The following HPSE2 variants were observed in gnomAD, a reference collection of about 807,000 sequenced individuals.
The protein encoded by HPSE2 is heparanase 2 (inactive), also known as inactive heparanase-2.
HPSE2 carries 38 observed loss-of-function variants against 60.5 expected under a neutral mutation model. The observed-to-expected ratio is 0.63, with a 90% confidence interval of 0.48 to 0.82. HPSE2 has a LOEUF of 0.82. Ranked by LOEUF, HPSE2 falls within the 40% of genes least tolerant of loss-of-function variation. The probability of loss-of-function intolerance (pLI) is 0.00; values close to 1 mark genes in which losing one functional copy is unlikely to be tolerated. For missense variants in HPSE2, 713 were observed against 740.4 expected, an observed-to-expected ratio of 0.96 and a Z score of 0.43; for synonymous variants, 295 against 293.2, an observed-to-expected ratio of 1.01 and a Z score of -0.06.
chr10:98,539,473 A>G (rs1272829366), intron 9 of HPSE2, among the ~76,000 whole-genome samples: 2 of 152,164 alleles, frequency 1.3e-5, no homozygotes. Flanking sequence ...GTGAGCCCAG[A>G]TCACGCCATT....
intron 2 of HPSE2, among the ~76,000 whole-genome samples, chr10:99,162,479 G>A (rs2133773758): frequency 6.6e-6 from 1 of 152,248 alleles, no homozygotes; most frequent in African/African-American, 2.4e-5. Flanking sequence ...CAGGGACAGG[G>A]CTAAAACTAG....
At chr10:98,609,845 T>C (rs796490482) in intron 9 of HPSE2, among the ~76,000 whole-genome samples, 3 of 140,096 alleles carry the variant, frequency 2.1e-5, no homozygotes, top group South Asian at 2.2e-4. Flanking sequence ...TCTTCTTTTT[T>C]TTTTTTTTTT....
chr10:98,585,730 T>C (rs940149526), intron 9 of HPSE2, among the ~76,000 whole-genome samples: 1 of 151,538 alleles, frequency 6.6e-6, no homozygotes, highest in Non-Finnish European at 1.5e-5. Context: ...GGTGGGTGGA[T>C]CACCTGAAGT....
At chr10:99,061,573 T>C (rs1270119189) in intron 3 of HPSE2, among the ~76,000 whole-genome samples, 3 of 152,202 alleles carry the variant, frequency 2.0e-5, no homozygotes, top group Admixed American at 1.3e-4. Context: ...AAGTATGTAG[T>C]AGATGTCCTG....
chr10:98,974,951 T>C lies in HPSE2; in HGVS notation c.610+169287A>G, dbSNP rs140963295. Among the ~76,000 whole-genome samples, 71 of 152,350 alleles carry C rather than the reference T, an allele frequency of 4.7e-4. 1 individual carries two copies. In the East Asian group the frequency reaches 0.013, roughly 29 times the overall value. ...TGCTATTACTTTTATTATTTTGATC[T>C]TCAACATAGTAGTTTTGTTATTCTA... On this transcript the variant is annotated intron_variant, in intron 3 of 11. Transcript: ENST00000370552.
intron 4 of HPSE2, among the ~76,000 whole-genome samples, chr10:98,723,445 C>A (rs1043119563): frequency 6.6e-6 from 1 of 152,024 alleles, no homozygotes; most frequent in Admixed American, 6.6e-5. Flanking sequence ...CGTGTCTCTG[C>A]CAGGCTTTGG....
chr10:99,205,942 T>C (rs968381206), intron 2 of HPSE2, among the ~76,000 whole-genome samples: 1 of 152,204 alleles, frequency 6.6e-6, no homozygotes, highest in Non-Finnish European at 1.5e-5. Context: ...TTTTCCACCA[T>C]GTTTAGCACA....
chr10:98,989,256 A>T (rs558988128), intron 3 of HPSE2, among the ~76,000 whole-genome samples: 13 of 152,352 alleles, frequency 8.5e-5, no homozygotes, highest in African/African-American at 2.9e-4. Flanking sequence ...CAAATGTCCA[A>T]CAATGATAGA....
At chr10:99,297,940 A>G in the HPSE2 span, among the ~76,000 whole-genome samples, 2 of 152,100 alleles carry the variant, frequency 1.3e-5, no homozygotes, top group East Asian at 1.9e-4. Flanking sequence ...TTTCTGCCCT[A>G]AAGTTTGAAG....
At chr10:99,073,880 C>CTTT (rs1842876614) in intron 3 of HPSE2, among the ~76,000 whole-genome samples, 1 of 145,794 alleles carries the variant, frequency 6.9e-6, no homozygotes, top group Admixed American at 6.9e-5. Context: ...ACAAAAGTGA[C>CTTT]TTTTATATGT....
At chr10:98,860,389 C>T (rs1281479906) in intron 3 of HPSE2, among the ~76,000 whole-genome samples, 2 of 152,158 alleles carry the variant, frequency 1.3e-5, no homozygotes, top group Non-Finnish European at 2.9e-5. Flanking sequence ...GTCATACTTT[C>T]TACCTTTGCT....
intron 2 of HPSE2, among the ~76,000 whole-genome samples, chr10:99,177,362 T>A (rs1002504390): frequency 6.6e-6 from 1 of 152,080 alleles, no homozygotes; most frequent in Non-Finnish European, 1.5e-5. Context: ...CAGTGTGCTG[T>A]ATTCAGGAGA....
At chr10:99,076,842 G>A (rs1283294022) in intron 3 of HPSE2, among the ~76,000 whole-genome samples, 2 of 152,054 alleles carry the variant, frequency 1.3e-5, no homozygotes, top group Admixed American at 6.5e-5. Context: ...ACTGTTAGGT[G>A]TCCTTTTGTT....
chr10:98,908,452 G>A (rs1425758997), intron 3 of HPSE2, among the ~76,000 whole-genome samples: 1 of 152,120 alleles, frequency 6.6e-6, no homozygotes, highest in African/African-American at 2.4e-5. Context: ...GTGAGGCTGA[G>A]GCGGGTGGAT....
Position 98,694,452 on chromosome 10 carries a change from G to C in HPSE2, c.957-505C>G, listed in dbSNP as rs1589652626. On this transcript the variant is annotated intron_variant, in intron 5 of 11. Transcript: ENST00000370552. ...ACCATCAAATATGCCCCAGTGAGAG[G>C]CTGCCACATCTGTCTCAGTGTAGAA... 2.0e-5 allele frequency among the ~76,000 whole-genome samples: 3 copies of C among 152,296 alleles called. No individual in the cohort carries two copies. The East Asian group carries it at 5.8e-4, about 29-fold the overall frequency.
intron 2 of HPSE2, among the ~76,000 whole-genome samples, chr10:99,179,910 G>GAT (rs942898710): frequency 3.7e-4 from 56 of 152,160 alleles, no homozygotes; most frequent in African/African-American, 1.3e-3. Context: ...TATCAAAACA[G>GAT]ATATATATAC....
chr10:98,459,558 T>C lies in HPSE2; in HGVS notation c.*16A>G. 1 of 1,613,544 alleles carries C rather than the reference T, an allele frequency of 6.2e-7. No individual in the cohort carries two copies. Among genetic ancestry groups the C allele is most frequent in the Non-Finnish European group, 8.5e-7 (1 of 1,179,574 alleles). ...AGCCCAGCAGGCCCACTGGTAGCCG[T>C]GAGTGTGAGGATAGCTTATCGGTAG... is the stretch of plus-strand genomic sequence containing the variant. On this transcript the variant is annotated 3_prime_UTR_variant, in exon 12 of 12. Transcript: ENST00000370552.
Position 98,998,230 on chromosome 10 carries a change from G to A in HPSE2, c.610+146008C>T, listed in dbSNP as rs114065766. ...AGAGAAAGTTGTGATTTGGGTTAAG[G>A]GACTACAGTCAAATACATTATCATG... On this transcript the variant is annotated intron_variant, in intron 3 of 11. Transcript: ENST00000370552. Among the ~76,000 whole-genome samples the A allele has an allele frequency of 4.9e-3, 745 of 152,172 alleles. 7 individuals carry two copies. Among genetic ancestry groups the A allele is most frequent in the African/African-American group, 0.017 (715 of 41,510 alleles).
At chr10:98,825,862 G>A (rs1386200940) in intron 3 of HPSE2, among the ~76,000 whole-genome samples, 1 of 152,192 alleles carries the variant, frequency 6.6e-6, no homozygotes, top group Non-Finnish European at 1.5e-5. Context: ...AATGCATGTG[G>A]TGCCAAACAG....
Sources: gnomAD v4.1 joint callset for allele counts (sites outside exome capture counted in the v4.1 genomes callset) on GRCh38, gnomAD v4.1.1 for gene constraint, MANE v1.5 for transcripts, NCBI Gene and HGNC (gene_info 2026-07-23, HGNC 2026-07-21) for gene names.